Variants in ZMIZ1 observed in about 807,000 individuals in gnomAD.
ZMIZ1 encodes zinc finger MIZ-type containing 1.
ZMIZ1 carries 17 observed loss-of-function variants against 113.9 expected under a neutral mutation model. That is an observed-to-expected ratio of 0.15 (90% CI 0.10 to 0.22). The LOEUF (loss-of-function observed/expected upper bound fraction) is 0.22, where lower values mean the gene tolerates loss of function less well. ZMIZ1 is among the 10% of genes least tolerant of loss of function. The pLI is 1.00. For missense variants in ZMIZ1, 1,059 were observed against 1,477.8 expected (o/e 0.72, Z 4.65); for synonymous variants, 607 against 603.1 (o/e 1.01, Z -0.09).
intron 4 of ZMIZ1, among the ~76,000 whole-genome samples, chr10:79,163,888 C>A (rs1384820026): frequency 6.6e-6 from 1 of 152,220 alleles, no homozygotes; most frequent in African/African-American, 2.4e-5. Flanking sequence ...TGTCTGGTAA[C>A]CTTTGAAATT....
chr10:79,198,103 C>CA (rs1847920296), intron 4 of ZMIZ1, among the ~76,000 whole-genome samples: 2 of 151,996 alleles, frequency 1.3e-5, no homozygotes, highest in African/African-American at 4.8e-5. Flanking sequence ...ACTAAAAATA[C>CA]AAAAAACTAG....
intron 2 of ZMIZ1, among the ~76,000 whole-genome samples, chr10:79,137,415 C>T (rs535372130): frequency 8.5e-5 from 13 of 152,218 alleles, no homozygotes; most frequent in Non-Finnish European, 1.3e-4. Flanking sequence ...GAGCCCTGTG[C>T]CCAGAGGCTT....
intron 6 of ZMIZ1, among the ~76,000 whole-genome samples, chr10:79,211,657 C>G (rs994199943): frequency 6.6e-5 from 10 of 152,222 alleles, no homozygotes; most frequent in Admixed American, 5.2e-4. Flanking sequence ...CAGACCTGGC[C>G]CTGCCATCCC....
intron 22 of ZMIZ1, among the ~76,000 whole-genome samples, chr10:79,306,732 G>A (rs954055755): frequency 1.3e-5 from 2 of 152,156 alleles, no homozygotes; most frequent in South Asian, 2.1e-4. Context: ...TGGCCCTTAC[G>A]CTCCCGGCTG....
intron 7 of ZMIZ1, among the ~76,000 whole-genome samples, chr10:79,255,409 TG>T (rs904879983): frequency 6.6e-6 from 1 of 152,180 alleles, no homozygotes. Context: ...TGCTGAAGCA[TG>T]GGTATGAGTA....
At chr10:79,074,464 C>T (rs1278926660) in intron 1 of ZMIZ1, among the ~76,000 whole-genome samples, 3 of 152,244 alleles carry the variant, frequency 2.0e-5, no homozygotes, top group Non-Finnish European at 4.4e-5. Context: ...GGCACAGTGT[C>T]TTACAGCCAG....
At chr10:79,140,417 T>G (rs1845207302) in intron 3 of ZMIZ1, among the ~76,000 whole-genome samples, 2 of 152,340 alleles carry the variant, frequency 1.3e-5, no homozygotes, top group Middle Eastern at 3.4e-3. Flanking sequence ...GCAGCTTGGC[T>G]TCATCCTATT....
intron 7 of ZMIZ1, among the ~76,000 whole-genome samples, chr10:79,267,501 C>CT (rs1851679454): frequency 6.6e-6 from 1 of 152,214 alleles, no homozygotes. Flanking sequence ...TAGTAACTTA[C>CT]TTAATCCTCA....
chr10:79,102,741 T>C (rs528898069), intron 1 of ZMIZ1, among the ~76,000 whole-genome samples: 7 of 152,294 alleles, frequency 4.6e-5, no homozygotes, highest in African/African-American at 7.2e-5. Flanking sequence ...CAGGCCCACA[T>C]AGCACCTCTC....
intron 4 of ZMIZ1, among the ~76,000 whole-genome samples, chr10:79,183,358 G>GCACACACACACA (rs57212618): frequency 1.5e-4 from 23 of 150,806 alleles, no homozygotes; most frequent in African/African-American, 5.3e-4. Context: ...TCGTGCACGC[G>GCACACACACACA]CACACACACA....
intron 7 of ZMIZ1, among the ~76,000 whole-genome samples, chr10:79,257,284 T>A (rs1850975961): frequency 1.3e-5 from 2 of 152,204 alleles, no homozygotes; most frequent in African/African-American, 4.8e-5. Flanking sequence ...TCTGCCAGCC[T>A]CTGAGCCTCT....
intron 4 of ZMIZ1, among the ~76,000 whole-genome samples, chr10:79,190,559 G>T (rs1422589533): frequency 6.6e-6 from 1 of 151,970 alleles, no homozygotes. Context: ...CCAATTTTTT[G>T]GTTTTTTAGA....
chr10:79,290,477 G>A (rs1490682165), intron 9 of ZMIZ1, among the ~76,000 whole-genome samples: 6 of 152,150 alleles, frequency 3.9e-5, no homozygotes, highest in Admixed American at 3.3e-4. Context: ...ACCGGTTGTC[G>A]CCTGCTCCTG....
At chr10:79,236,510 C>A (rs879720741) in intron 7 of ZMIZ1, among the ~76,000 whole-genome samples, 8 of 152,166 alleles carry the variant, frequency 5.3e-5, no homozygotes, top group African/African-American at 1.9e-4. Flanking sequence ...CTGCCGTTGC[C>A]GTCTCTTCCC....
chr10:79,226,932 C>T (rs1849222512), intron 7 of ZMIZ1, among the ~76,000 whole-genome samples: 1 of 152,194 alleles, frequency 6.6e-6, no homozygotes, highest in African/African-American at 2.4e-5. Flanking sequence ...ACATTAAGTT[C>T]TGCATTTTCT....
chr10:79,206,736 C>T (rs1208030230), intron 5 of ZMIZ1, among the ~76,000 whole-genome samples: 9 of 152,234 alleles, frequency 5.9e-5, no homozygotes, highest in East Asian at 1.9e-4. Context: ...GCACCCCACG[C>T]GCCAGGCACT....
chr10:79,153,785 T>G (rs1182056102), intron 3 of ZMIZ1, among the ~76,000 whole-genome samples: 1 of 152,210 alleles, frequency 6.6e-6, no homozygotes, highest in African/African-American at 2.4e-5. Context: ...CTGGGTGAGG[T>G]TAGAGCCTGT....
chr10:79,240,638 C>CTTTGTTTTTTTTTTTTTTT (rs1849784340), intron 7 of ZMIZ1, among the ~76,000 whole-genome samples: 1 of 55,312 alleles, frequency 1.8e-5, no homozygotes, highest in African/African-American at 8.3e-5. Flanking sequence ...GAGTATTTAT[C>CTTTGTTTTTTTTTTTTTTT]TTTTTTTTTT....
intron 4 of ZMIZ1, among the ~76,000 whole-genome samples, chr10:79,168,714 C>T (rs1177240141): frequency 6.6e-6 from 1 of 152,184 alleles, no homozygotes; most frequent in Non-Finnish European, 1.5e-5. Flanking sequence ...CGCTCTCAGC[C>T]CTGCTCCCTG....
Sources: allele counts gnomAD v4.1 joint callset (sites outside exome capture counted in the v4.1 genomes callset), GRCh38; gene constraint gnomAD v4.1.1; transcripts MANE v1.5; gene names NCBI Gene and HGNC (gene_info 2026-07-23, HGNC 2026-07-21).